XPO1: variants seen among roughly 807,000 people sequenced by gnomAD.
The protein encoded by XPO1 is exportin-1.
In XPO1, 5 loss-of-function variants were observed where a neutral mutation model predicts 133.3. That is an observed-to-expected ratio of 0.04 (90% CI 0.02 to 0.08). The LOEUF (loss-of-function observed/expected upper bound fraction) is 0.08. Among genes scored for constraint, XPO1 ranks in the 10% least tolerant of loss-of-function variants. The probability of loss-of-function intolerance (pLI) is 1.00; values close to 1 mark genes in which losing one functional copy is unlikely to be tolerated. For synonymous variants in XPO1, 419 were observed against 408.2 expected, an observed-to-expected ratio of 1.03 and a Z score of -0.32; for missense variants, 506 against 1,267.5, an observed-to-expected ratio of 0.40 and a Z score of 9.12.
At position 61,488,697 on chromosome 2, in the gene XPO1, G is replaced by A; in HGVS notation, c.2097C>T (p.Cys699=). Residue 699 remains cysteine (C), a synonymous_variant, in exon 18 of 25, where the codon TGC becomes TGT. Transcript: ENST00000401558. The part of the protein sequence containing the change: ...GSILKTNVRA[C]KAVGHPFVIQ... Reference sequence around the variant, plus strand: ...TTACAAAGGGGTGTCCAACAGCTTTGCAGGCTCTCACATTTGTTTTCAAAA... The same window carrying A: ...TTACAAAGGGGTGTCCAACAGCTTTACAGGCTCTCACATTTGTTTTCAAAA... 1 of 1,614,158 alleles carries A rather than the reference G, an allele frequency of 6.2e-7. No homozygotes were observed. Among genetic ancestry groups the A allele is most frequent in the Non-Finnish European group, 8.5e-7 (1 of 1,180,026 alleles).
At position 61,528,137 on chromosome 2, in the gene XPO1, G is replaced by A. The variant is rs528383887; in HGVS notation, c.127-1616C>T. On this transcript the variant is annotated intron_variant, in intron 2 of 24. Transcript: ENST00000401558. ...AGACAGGGTTTCACTGTATTGGCCA[G>A]GCTGGTCTTGAACTCCTGACCTCGT... Among the ~76,000 whole-genome samples, 202 of 151,992 alleles carry A rather than the reference G, an allele frequency of 1.3e-3. 1 individual carries two copies. Among genetic ancestry groups the A allele is most frequent in the African/African-American group, 4.6e-3 (191 of 41,490 alleles).
At chr2:61,496,517 A>G (rs78731884) in intron 10 of XPO1, among the ~76,000 whole-genome samples, 1,619 of 152,288 alleles carry the variant, frequency 0.011, 28 homozygotes, top group African/African-American at 0.037. Context: ...CCATGAACAC[A>G]GTATTATGAA....
chr2:61,528,320 T>C (rs1698996486), intron 2 of XPO1, among the ~76,000 whole-genome samples: 1 of 152,124 alleles, frequency 6.6e-6, no homozygotes, highest in African/African-American at 2.4e-5. Flanking sequence ...GGCTACCAAA[T>C]TTTATGTTAA....
chr2:61,522,705 C>T (rs1698751617), intron 3 of XPO1, 22 bp from the exon 4 acceptor site: 1 of 1,568,524 alleles, frequency 6.4e-7, no homozygotes, highest in Non-Finnish European at 8.8e-7. Context: ...AGAATAGAAG[C>T]ATGTGAATAT....
chr2:61,500,571 TC>T, intron 6 of XPO1, among the ~76,000 whole-genome samples: 1 of 56,900 alleles, frequency 1.8e-5, no homozygotes. Flanking sequence ...AGGATGAGAC[TC>T]CATCTCAAAA....
intron 19 of XPO1, among the ~76,000 whole-genome samples, chr2:61,487,513 A>C (rs186578661): frequency 1.3e-5 from 2 of 152,226 alleles, no homozygotes; most frequent in East Asian, 1.9e-4. Flanking sequence ...AAAACTATGA[A>C]AATAACTAGC....
intron 4 of XPO1, among the ~76,000 whole-genome samples, chr2:61,503,103 C>G (rs1350607248): frequency 1.3e-5 from 2 of 151,628 alleles, no homozygotes; most frequent in African/African-American, 4.8e-5. Context: ...GTACAGGCAT[C>G]AACCACCATG....
Position 61,477,922 on chromosome 2 carries a change from A to G in XPO1, c.*898T>C, listed in dbSNP as rs914876962. The G allele has an allele frequency of 9.1e-6, 2 of 220,874 alleles. No homozygotes were observed. The highest frequency in any genetic ancestry group is 2.2e-5 in the African/African-American group (1 of 44,630). The allele number at this position is 220,874 out of a possible 1,614,324, so 13.7% of individuals were successfully genotyped here. ...CATTAATATAGGAATAAATGAGTCA[A>G]TAAAGGAAAAATAAATGTAAACCAA... On this transcript the variant is annotated 3_prime_UTR_variant, in exon 25 of 25. Coordinates refer to ENST00000401558, the MANE Select transcript of XPO1 (RefSeq NM_003400.4).
chr2:61,517,513 G>A (rs948417133), intron 4 of XPO1, among the ~76,000 whole-genome samples: 7 of 152,196 alleles, frequency 4.6e-5, no homozygotes, highest in Admixed American at 3.3e-4. Flanking sequence ...CTGAGCTCAG[G>A]AGTTTAAGGC....
At chr2:61,515,444 T>C (rs1444476424) in intron 4 of XPO1, among the ~76,000 whole-genome samples, 1 of 152,118 alleles carries the variant, frequency 6.6e-6, no homozygotes, top group Admixed American at 6.5e-5. Flanking sequence ...TGAGCTCACT[T>C]AGGAAGGTAT....
At chr2:61,523,471 T>C (rs1242950647) in intron 3 of XPO1, among the ~76,000 whole-genome samples, 2 of 152,234 alleles carry the variant, frequency 1.3e-5, no homozygotes, top group East Asian at 3.8e-4. Context: ...TATAATAATT[T>C]ATAAAGCCCC....
chr2:61,482,059 C>CTTTTTTTTTTTTTTTTTTTTTTTTTTTTT (rs1273871116), intron 23 of XPO1, among the ~76,000 whole-genome samples: 18 of 41,092 alleles, frequency 4.4e-4, no homozygotes, highest in South Asian at 8.0e-4. Context: ...TTTTTTTTTG[C>CTTTTTTTTTTTTTTTTTTTTTTTTTTTTT]TTTTTTAAAG....
At chr2:61,482,933 A>G (rs1696473491) in intron 22 of XPO1, 24 bp downstream of exon 22, 1 of 1,612,928 alleles carries the variant, frequency 6.2e-7, no homozygotes, top group African/African-American at 1.3e-5. Flanking sequence ...GGCACTTAAC[A>G]TTTAAATCGT....
chr2:61,524,314 T>G (rs909097969), intron 3 of XPO1, among the ~76,000 whole-genome samples: 3 of 152,190 alleles, frequency 2.0e-5, no homozygotes. Context: ...TTAACCAAAC[T>G]TTTTTACATT....
At chr2:61,511,129 T>A (rs979880984) in intron 4 of XPO1, among the ~76,000 whole-genome samples, 9 of 152,116 alleles carry the variant, frequency 5.9e-5, no homozygotes, top group Non-Finnish European at 8.8e-5. Context: ...CTGCTTTCTT[T>A]TCTTTATTTT....
Position 61,478,643 on chromosome 2 carries a change from TTAA to T in XPO1, c.*174_*176del. 3.1e-6 allele frequency: 2 copies of T among 638,646 alleles called. No homozygotes were observed. Among genetic ancestry groups the T allele is most frequent in the Admixed American group, 7.1e-5 (2 of 28,082 alleles). 39.6% of individuals were successfully genotyped at this position (638,646 alleles called of 1,614,324 possible). A position where few individuals can be genotyped will look rare whatever the true frequency, so the allele number is the denominator to read the frequency against. On this transcript the variant is annotated 3_prime_UTR_variant, in exon 25 of 25. Transcript: ENST00000401558. Reference sequence around the variant, plus strand: ...AAATAAAGATGACCAAAACAAAAGCTTAAACAATGGAAGGATATTTCACAGAAA... The same window carrying T: ...AAATAAAGATGACCAAAACAAAAGCTACAATGGAAGGATATTTCACAGAAA...
chr2:61,493,719 G>A, intron 12 of XPO1, 175 bp downstream of exon 12: 1 of 684,746 alleles, frequency 1.5e-6, no homozygotes. Flanking sequence ...CCACACTCTT[G>A]AGAATCAAGG....
Position 61,526,158 on chromosome 2 carries a change from T to C in XPO1, c.228+262A>G, listed in dbSNP as rs1573217608. Reference sequence around the variant, plus strand: ...TCAGAATTTATGCTACTTAGACCTGTATACATATACTAAAAAGAAAAAAAC... The same window carrying C: ...TCAGAATTTATGCTACTTAGACCTGCATACATATACTAAAAAGAAAAAAAC... On this transcript the variant is annotated intron_variant, in intron 3 of 24. Coordinates refer to ENST00000401558, the MANE Select transcript of XPO1 (RefSeq NM_003400.4). 61 of 1,272,720 alleles carry C rather than the reference T, an allele frequency of 4.8e-5. 1 individual carries two copies. In the South Asian group the frequency reaches 1.1e-3, roughly 23 times the overall value. 78.8% of individuals were successfully genotyped at this position (1,272,720 alleles called of 1,614,324 possible).
intron 4 of XPO1, among the ~76,000 whole-genome samples, chr2:61,518,417 A>AACACACACACACAC (rs200566050): frequency 2.7e-4 from 33 of 124,520 alleles, no homozygotes; most frequent in Middle Eastern, 3.8e-3. Context: ...CAAAAAACAA[A>AACACACACACACAC]ACACACACAC....
Sources: gnomAD v4.1 joint callset for allele counts (sites outside exome capture counted in the v4.1 genomes callset) on GRCh38, gnomAD v4.1.1 for gene constraint, MANE v1.5 for transcripts, NCBI Gene and HGNC (gene_info 2026-07-23, HGNC 2026-07-21) for gene names.